JMY: variants seen among roughly 807,000 people sequenced by gnomAD.
JMY encodes the protein junction-mediating and -regulatory protein.
Under a neutral mutation model 103.3 loss-of-function variants are expected in JMY, and 46 were observed. The ratio of observed to expected loss-of-function variants is 0.45; its 90% confidence interval spans 0.35 to 0.57. The LOEUF (loss-of-function observed/expected upper bound fraction) is 0.57, where lower values mean the gene tolerates loss of function less well. Ranked by LOEUF, JMY falls within the 20% of genes least tolerant of loss-of-function variation. The probability of loss-of-function intolerance (pLI) is 0.00; values close to 1 mark genes in which losing one functional copy is unlikely to be tolerated. For synonymous variants in JMY, 526 were observed against 489.3 expected (o/e 1.07, Z -0.99); for missense variants, 1,238 against 1,255.2 (o/e 0.99, Z 0.21).
intron 4 of JMY, among the ~76,000 whole-genome samples, chr5:79,291,907 T>G (rs1746433420): frequency 6.6e-6 from 1 of 152,202 alleles, no homozygotes; most frequent in Admixed American, 6.5e-5. Flanking sequence ...GAAGAACAAA[T>G]CATCATCTCT....
In JMY at chr5:79,314,827, G is replaced by C. The variant is rs1747166193; in HGVS notation, c.2635G>C (p.Ala879Pro). 2 of 1,582,930 alleles carry C rather than the reference G, an allele frequency of 1.3e-6. No homozygotes were observed. The highest frequency in any genetic ancestry group is 2.7e-5 in the African/African-American group (2 of 74,104). ...TGCACGGAAGAAGCTCAGAAAGACT[G>C]CTGAAGGTTTGCAGAGGAGGAGAGG... ...VSARKKLRKT[A>P]EGLQRRRVSS... Residue 879 changes from alanine (A) to proline (P), a missense_variant, in exon 9 of 11, where the codon GCT becomes CCT. Ala to Pro is a conservative substitution (Grantham distance 27). Transcript: ENST00000396137.
intron 2 of JMY, among the ~76,000 whole-genome samples, chr5:79,286,644 A>AAAAAAAAAAATC (rs1478649872): frequency 6.6e-6 from 1 of 152,244 alleles, no homozygotes; most frequent in East Asian, 1.9e-4. Flanking sequence ...CTCCATAAAA[A>AAAAAAAAAAATC]AAAAAAAAAA....
intron 1 of JMY, among the ~76,000 whole-genome samples, chr5:79,261,978 C>T (rs1371739087): frequency 1.3e-5 from 2 of 152,188 alleles, no homozygotes; most frequent in East Asian, 3.8e-4. Context: ...TTCTAAAATC[C>T]TACAAGAGAT....
chr5:79,315,057 A>G lies in JMY; in HGVS notation c.2659+206A>G, dbSNP rs372826639. Among the ~76,000 whole-genome samples, 6 of 152,316 alleles carry G rather than the reference A, an allele frequency of 3.9e-5. No individual in the cohort carries two copies. The East Asian group carries it at 9.6e-4, about 24-fold the overall frequency. On this transcript the variant is annotated intron_variant, in intron 9 of 10. Transcript: ENST00000396137. ...CTTCTTGGGCTGTTAGGCATGTTTT[A>G]AAAACAGATCTTCTAAAGTGATACA...
At chr5:79,269,503 T>A (rs184058364) in intron 1 of JMY, among the ~76,000 whole-genome samples, 26 of 152,320 alleles carry the variant, frequency 1.7e-4, no homozygotes, top group African/African-American at 6.0e-4. Context: ...TAGGATTGCA[T>A]TGAATTTATA....
At chr5:79,242,783 C>CTTT (rs71615514) in intron 1 of JMY, among the ~76,000 whole-genome samples, 1 of 140,680 alleles carries the variant, frequency 7.1e-6, no homozygotes, top group Non-Finnish European at 1.6e-5. Flanking sequence ...TCAATAATGA[C>CTTT]TTTTTTTTTT....
At chr5:79,271,916 CA>C (rs1745795837) in intron 1 of JMY, among the ~76,000 whole-genome samples, 2 of 151,940 alleles carry the variant, frequency 1.3e-5, no homozygotes, top group African/African-American at 2.4e-5. Flanking sequence ...CAAGACCATC[CA>C]GGGGGCAACA....
chr5:79,261,785 C>T (rs963198123), intron 1 of JMY, among the ~76,000 whole-genome samples: 4 of 152,076 alleles, frequency 2.6e-5, no homozygotes, highest in East Asian at 1.9e-4. Flanking sequence ...CTACCATGCC[C>T]GGCTAATTTT....
At chr5:79,307,794 A>G (rs1344134693) in intron 7 of JMY, among the ~76,000 whole-genome samples, 2 of 152,126 alleles carry the variant, frequency 1.3e-5, no homozygotes, top group African/African-American at 2.4e-5. Context: ...GCTGGAGTGC[A>G]GTGGCGCGAT....
chr5:79,284,994 G>A, intron 2 of JMY: 1 of 943,480 alleles, frequency 1.1e-6, no homozygotes, highest in Non-Finnish European at 1.6e-6. Flanking sequence ...CGAACCTCTA[G>A]ATTTTTAAAT....
Position 79,270,591 on chromosome 5 carries a change from T to TTACA in JMY, c.1033-7317_1033-7316insCATA, listed in dbSNP as rs1491530868. 2.1e-4 allele frequency among the ~76,000 whole-genome samples: 6 copies of TTACA among 29,206 alleles called. 1 individual carries two copies. Among genetic ancestry groups the TTACA allele is most frequent in the Non-Finnish European group, 4.0e-4 (4 of 10,042 alleles). The allele number at this position is 29,206 out of a possible 152,430, so 19.2% of individuals were successfully genotyped here. A position where few individuals can be genotyped will look rare whatever the true frequency, so the allele number is the denominator to read the frequency against. Reference sequence around the variant, plus strand: ...TTAAAATGTATATTTACATAAATATTTAAAATGTATATTTACATAAATGTT... The same window carrying TTACA: ...TTAAAATGTATATTTACATAAATATTTACATAAAATGTATATTTACATAAATGTT... On this transcript the variant is annotated intron_variant, in intron 1 of 10. Transcript: ENST00000396137.
intron 10 of JMY, among the ~76,000 whole-genome samples, chr5:79,318,761 T>TATATATAGAGAGAGAGAGAGAG (rs1218912301): frequency 1.9e-5 from 1 of 53,610 alleles, no homozygotes; most frequent in African/African-American, 1.7e-4. Context: ...TATATATATA[T>TATATATAGAGAGAGAGAGAGAG]AGAGAGAGAG....
At position 79,236,580 on chromosome 5, in the gene JMY, C is replaced by A. The variant is rs572119648; in HGVS notation, c.-71C>A. 5,885 of 1,202,730 alleles carry A rather than the reference C, an allele frequency of 4.9e-3. 21 individuals carry two copies. Among genetic ancestry groups the A allele is most frequent in the Non-Finnish European group, 5.9e-3 (5,527 of 937,216 alleles). 74.5% of individuals were successfully genotyped at this position (1,202,730 alleles called of 1,614,324 possible). A position where few individuals can be genotyped will look rare whatever the true frequency, so the allele number is the denominator to read the frequency against. ...CGGCGAGGGTGAGCGGGGGGCGCGG[C>A]GCAGCCAGCGGGGAGTCCTCGGGCG... On this transcript the variant is annotated 5_prime_UTR_variant, in exon 1 of 11. Coordinates refer to ENST00000396137, the MANE Select transcript of JMY (RefSeq NM_152405.5).
chr5:79,250,234 A>C (rs1453508709), intron 1 of JMY, among the ~76,000 whole-genome samples: 1 of 152,206 alleles, frequency 6.6e-6, no homozygotes, highest in African/African-American at 2.4e-5. Context: ...AAACAACAAG[A>C]AAAATCTAAC....
At chr5:79,315,838 C>T (rs949171203) in intron 9 of JMY, among the ~76,000 whole-genome samples, 162 bp from the exon 10 acceptor site, 26 of 152,184 alleles carry the variant, frequency 1.7e-4, no homozygotes, top group African/African-American at 5.8e-4. Context: ...TAATTAGGAT[C>T]CCTTGTGTTC....
intron 1 of JMY, among the ~76,000 whole-genome samples, chr5:79,260,145 G>T (rs973283267): frequency 3.9e-5 from 6 of 152,244 alleles, no homozygotes; most frequent in African/African-American, 1.4e-4. Context: ...ACGCACCCAG[G>T]GCTGGCCTCA....
At chr5:79,241,033 C>T (rs560471830) in intron 1 of JMY, among the ~76,000 whole-genome samples, 153 of 152,238 alleles carry the variant, frequency 1.0e-3, no homozygotes, top group African/African-American at 3.5e-3. Flanking sequence ...AATACTTAGT[C>T]CTTTTCCTTC....
chr5:79,285,413 G>A (rs1746239205), intron 2 of JMY, among the ~76,000 whole-genome samples: 2 of 152,272 alleles, frequency 1.3e-5, no homozygotes, highest in East Asian at 1.9e-4. Context: ...CCTTGGCTGG[G>A]TGCTATTTAT....
intron 1 of JMY, among the ~76,000 whole-genome samples, chr5:79,260,570 T>A (rs565119423): frequency 6.6e-6 from 1 of 151,780 alleles, no homozygotes; most frequent in East Asian, 1.9e-4. Context: ...TTTTTTTTTT[T>A]TGTAGAGACG....
Sources: gnomAD v4.1 joint callset for allele counts (sites outside exome capture counted in the v4.1 genomes callset) on GRCh38, gnomAD v4.1.1 for gene constraint, MANE v1.5 for transcripts, NCBI Gene and HGNC (gene_info 2026-07-23, HGNC 2026-07-21) for gene names.